Variants in SLC2A13 observed in about 807,000 individuals in gnomAD.
SLC2A13 encodes the protein proton myo-inositol cotransporter.
A neutral mutation model predicts 64.4 loss-of-function variants in SLC2A13; 32 were observed. That is an observed-to-expected ratio of 0.50 (90% CI 0.37 to 0.67). SLC2A13 has a LOEUF of 0.67. Among genes scored for constraint, SLC2A13 ranks in the 30% least tolerant of loss-of-function variants. SLC2A13 has a pLI of 0.00. For synonymous variants in SLC2A13, 338 were observed against 327.1 expected, an observed-to-expected ratio of 1.03 and a Z score of -0.36; for missense variants, 743 against 829.2, an observed-to-expected ratio of 0.90 and a Z score of 1.28.
intron 7 of SLC2A13, chr12:39,819,945 A>G (rs1318572743): frequency 1.3e-5 from 2 of 152,390 alleles, no homozygotes; most frequent in Non-Finnish European, 2.9e-5. Context: ...ATGACCACAG[A>G]AAAAACTCTT....
chr12:39,896,215 C>CGTATACATATATGCATATGTGTATATAT (rs1944840788), intron 4 of SLC2A13, among the ~76,000 whole-genome samples: 4 of 139,728 alleles, frequency 2.9e-5, no homozygotes, highest in Admixed American at 7.1e-5. Flanking sequence ...CATGTATATA[C>CGTATACATATATGCATATGTGTATATAT]GTATACATAT....
chr12:39,852,831 T>C (rs1943506501), intron 6 of SLC2A13, among the ~76,000 whole-genome samples: 1 of 152,180 alleles, frequency 6.6e-6, no homozygotes. Context: ...GGTATAACTT[T>C]GTAACATCAG....
Position 39,968,763 on chromosome 12 carries a change from TATATA to T in SLC2A13, c.926-17403_926-17399del, listed in dbSNP as rs1946581635. Among the ~76,000 whole-genome samples the T allele has an allele frequency of 7.5e-4, 82 of 108,846 alleles. 6 individuals are homozygous for T. Among genetic ancestry groups the T allele is most frequent in the African/African-American group, 1.3e-3 (28 of 21,762 alleles). 71.4% of individuals were successfully genotyped at this position (108,846 alleles called of 152,430 possible). A position where few individuals can be genotyped will look rare whatever the true frequency, so the allele number is the denominator to read the frequency against. ...TTATTTTTGTTGTTTTTTTTTGGTA[TATATA>T]TATATATATATATATATATATATAT... On this transcript the variant is annotated intron_variant, in intron 3 of 9. Coordinates refer to ENST00000280871, the MANE Select transcript of SLC2A13 (RefSeq NM_052885.4).
At chr12:39,882,496 G>T (rs1944364392) in intron 4 of SLC2A13, among the ~76,000 whole-genome samples, 2 of 152,056 alleles carry the variant, frequency 1.3e-5, no homozygotes, top group African/African-American at 2.4e-5. Context: ...AGCTGAAAGG[G>T]TCTCGAGAAA....
chr12:39,874,906 G>T (rs1944144611), intron 4 of SLC2A13, among the ~76,000 whole-genome samples: 2 of 152,196 alleles, frequency 1.3e-5, no homozygotes, highest in Admixed American at 1.3e-4. Context: ...GGCAATTGCA[G>T]ATTATCTGGA....
chr12:39,898,907 A>G (rs1451816639), intron 4 of SLC2A13, among the ~76,000 whole-genome samples: 1 of 152,198 alleles, frequency 6.6e-6, no homozygotes, highest in African/African-American at 2.4e-5. Context: ...GAAAAAGGAA[A>G]GGAGAGAAGG....
At chr12:40,037,316 T>G (rs1948005157) in intron 2 of SLC2A13, among the ~76,000 whole-genome samples, 1 of 152,146 alleles carries the variant, frequency 6.6e-6, no homozygotes, top group Non-Finnish European at 1.5e-5. Context: ...CTTCCTTAAA[T>G]ATTTTATAGA....
At chr12:39,962,422 C>T (rs556493114) in intron 3 of SLC2A13, among the ~76,000 whole-genome samples, 29 of 152,314 alleles carry the variant, frequency 1.9e-4, no homozygotes, top group African/African-American at 7.0e-4. Flanking sequence ...CACTCAAATG[C>T]CTCTCTGGCA....
intron 4 of SLC2A13, among the ~76,000 whole-genome samples, chr12:39,933,855 G>A (rs567650195): frequency 3.9e-4 from 59 of 152,126 alleles, no homozygotes; most frequent in Non-Finnish European, 8.1e-4. Context: ...AAAGTATCAT[G>A]CCATCTACAA....
intron 1 of SLC2A13, among the ~76,000 whole-genome samples, chr12:40,076,206 T>C (rs143328869): frequency 5.7e-4 from 87 of 152,318 alleles, no homozygotes; most frequent in Middle Eastern, 3.4e-3. Context: ...GTTTGTTACA[T>C]GGGTAAACTG....
Position 39,884,567 on chromosome 12 carries a change from G to A in SLC2A13, c.1035-12606C>T, listed in dbSNP as rs188420021. Among the ~76,000 whole-genome samples the A allele has an allele frequency of 1.3e-3, 199 of 152,252 alleles. 1 individual carries two copies. Among genetic ancestry groups the A allele is most frequent in the African/African-American group, 4.4e-3 (184 of 41,544 alleles). On this transcript the variant is annotated intron_variant, in intron 4 of 9. Coordinates refer to ENST00000280871, the MANE Select transcript of SLC2A13 (RefSeq NM_052885.4). ...CAATTAAGATACACTTATTCAGGACGTACTATGTGCCAGATGTAGCAGAAG... is the reference window on the plus strand; with the variant it reads ...CAATTAAGATACACTTATTCAGGACATACTATGTGCCAGATGTAGCAGAAG...
At chr12:40,103,656 T>C (rs1410043816) in intron 1 of SLC2A13, among the ~76,000 whole-genome samples, 2 of 152,184 alleles carry the variant, frequency 1.3e-5, no homozygotes, top group Non-Finnish European at 2.9e-5. Flanking sequence ...ATTTCAAAAT[T>C]ACAGAAAAGA....
intron 4 of SLC2A13, among the ~76,000 whole-genome samples, chr12:39,899,489 G>A (rs1029360208): frequency 1.3e-5 from 2 of 152,006 alleles, no homozygotes; most frequent in Non-Finnish European, 2.9e-5. Context: ...CTTCAGTTCT[G>A]CTCTGATTTT....
chr12:40,013,869 G>T (rs188704635), intron 3 of SLC2A13, among the ~76,000 whole-genome samples: 2 of 152,268 alleles, frequency 1.3e-5, no homozygotes, highest in African/African-American at 2.4e-5. Flanking sequence ...TACTTGGGGG[G>T]AAAAGTTGAA....
intron 3 of SLC2A13, among the ~76,000 whole-genome samples, chr12:39,964,403 A>G (rs1324858515): frequency 6.6e-6 from 1 of 152,240 alleles, no homozygotes; most frequent in Non-Finnish European, 1.5e-5. Flanking sequence ...CATGGAAGAG[A>G]AGAGTTAATT....
chr12:39,958,348 C>A (rs1946352659), intron 3 of SLC2A13, among the ~76,000 whole-genome samples: 1 of 152,218 alleles, frequency 6.6e-6, no homozygotes, highest in Admixed American at 6.5e-5. Flanking sequence ...CCAGTGTTAA[C>A]ATACCAGTCC....
At chr12:39,863,223 A>T (rs1200409903) in intron 6 of SLC2A13, among the ~76,000 whole-genome samples, 3 of 152,164 alleles carry the variant, frequency 2.0e-5, no homozygotes, top group Non-Finnish European at 4.4e-5. Context: ...AATACCTTAC[A>T]TCATAAGGAT....
At chr12:39,993,029 T>C (rs1947166328) in intron 3 of SLC2A13, among the ~76,000 whole-genome samples, 1 of 152,208 alleles carries the variant, frequency 6.6e-6, no homozygotes, top group Non-Finnish European at 1.5e-5. Flanking sequence ...ATACATGTAA[T>C]ATATTTAAAG....
intron 7 of SLC2A13, among the ~76,000 whole-genome samples, chr12:39,794,082 A>G (rs995797995): frequency 6.2e-5 from 9 of 145,042 alleles, no homozygotes; most frequent in African/African-American, 2.3e-4. Flanking sequence ...TGAGCTAGCA[A>G]TTCCTAGAAG....
Sources: gnomAD v4.1 joint callset for allele counts (sites outside exome capture counted in the v4.1 genomes callset) on GRCh38, gnomAD v4.1.1 for gene constraint, MANE v1.5 for transcripts, NCBI Gene and HGNC (gene_info 2026-07-23, HGNC 2026-07-21) for gene names.